Variants in MAML2 observed in about 807,000 individuals in gnomAD.
MAML2 encodes the protein mastermind-like protein 2.
Under a neutral mutation model 96.1 loss-of-function variants are expected in MAML2, and 22 were observed. That is an observed-to-expected ratio of 0.23 (90% CI 0.16 to 0.33). The LOEUF (loss-of-function observed/expected upper bound fraction) is 0.33. MAML2 is among the 10% of genes least tolerant of loss of function. MAML2 has a pLI of 1.00. For missense variants in MAML2, 1,367 were observed against 1,392.4 expected (o/e 0.98, Z 0.29); for synonymous variants, 561 against 521.3 (o/e 1.08, Z -1.04).
intron 1 of MAML2, among the ~76,000 whole-genome samples, chr11:96,227,290 T>C (rs1449696571): frequency 6.6e-6 from 1 of 152,204 alleles, no homozygotes; most frequent in Non-Finnish European, 1.5e-5. Flanking sequence ...ATACTTACCC[T>C]AGTACCTACG....
chr11:96,005,498 A>AT (rs1004249213), intron 2 of MAML2, among the ~76,000 whole-genome samples: 4 of 152,112 alleles, frequency 2.6e-5, no homozygotes, highest in Admixed American at 6.5e-5. Context: ...AAATAATTTG[A>AT]TTTTTTTTCT....
chr11:96,027,583 C>T (rs886579379), intron 2 of MAML2, among the ~76,000 whole-genome samples: 4 of 152,142 alleles, frequency 2.6e-5, no homozygotes, highest in South Asian at 2.1e-4. Context: ...AGAGGAAAGA[C>T]ATCTAACTCA....
chr11:96,049,037 A>C (rs892085902), intron 2 of MAML2, among the ~76,000 whole-genome samples: 2 of 152,230 alleles, frequency 1.3e-5, no homozygotes, highest in Non-Finnish European at 2.9e-5. Flanking sequence ...ACTTTCCACT[A>C]TAATGAACCA....
intron 2 of MAML2, among the ~76,000 whole-genome samples, chr11:96,017,993 T>C (rs1276662268): frequency 6.6e-6 from 1 of 152,188 alleles, no homozygotes; most frequent in Non-Finnish European, 1.5e-5. Context: ...TGGTGAATAG[T>C]TTGTACGGAG....
chr11:96,089,163 G>T (rs1373610142), intron 2 of MAML2, among the ~76,000 whole-genome samples: 1 of 152,026 alleles, frequency 6.6e-6, no homozygotes, highest in African/African-American at 2.4e-5. Flanking sequence ...TTTGGTCATC[G>T]GTAACAGAGA....
At chr11:96,042,440 G>A (rs1408541937) in intron 2 of MAML2, among the ~76,000 whole-genome samples, 4 of 152,022 alleles carry the variant, frequency 2.6e-5, no homozygotes, top group Non-Finnish European at 1.5e-5. Context: ...TTTTTCTCAG[G>A]GACTACTGCA....
At chr11:96,212,893 G>T (rs529351653) in intron 1 of MAML2, among the ~76,000 whole-genome samples, 16 of 152,230 alleles carry the variant, frequency 1.1e-4, no homozygotes, top group Admixed American at 7.8e-4. Context: ...AAATTGCTTG[G>T]TATAACTCAA....
intron 1 of MAML2, among the ~76,000 whole-genome samples, chr11:96,253,603 C>T (rs1363448124): frequency 6.6e-6 from 1 of 152,182 alleles, no homozygotes; most frequent in Non-Finnish European, 1.5e-5. Context: ...AGAGATCGAC[C>T]ACTAAAATCT....
At chr11:96,187,883 A>G (rs994048129) in intron 1 of MAML2, among the ~76,000 whole-genome samples, 4 of 152,048 alleles carry the variant, frequency 2.6e-5, no homozygotes, top group Non-Finnish European at 5.9e-5. Flanking sequence ...TTTTCACTCC[A>G]GTCTATGGAC....
intron 1 of MAML2, among the ~76,000 whole-genome samples, chr11:96,132,202 T>C (rs1860559037): frequency 6.6e-6 from 1 of 152,080 alleles, no homozygotes; most frequent in Non-Finnish European, 1.5e-5. Context: ...GAGCAGGAAA[T>C]TAGGAAAAAA....
At position 96,092,981 on chromosome 11, in the gene MAML2, C is replaced by T. The variant is rs1204691388; in HGVS notation, c.1050G>A (p.Arg350=). ...TGGGTAAGGAGGGCCTAGGTGTGCT[C>T]CTCTGGCTTTGCTGACCCAAGTCAA... is the stretch of plus-strand genomic sequence containing the variant. ...FNIDLGQQSQ[R]STPRPSLPME... The change falls in exon 2 of 5, where the codon AGG becomes AGA. Residue 350 remains arginine, a synonymous_variant. Coordinates refer to ENST00000524717, the MANE Select transcript of MAML2 (RefSeq NM_032427.4). The surrounding 1 kb of genome is among the most constrained non-coding windows in gnomAD (Gnocchi z 4.1). The T allele has an allele frequency of 3.7e-6, 6 of 1,613,882 alleles. No individual in the cohort carries two copies. Among genetic ancestry groups the T allele is most frequent in the Middle Eastern group, 1.6e-4 (1 of 6,062 alleles).
intron 2 of MAML2, among the ~76,000 whole-genome samples, chr11:96,007,153 C>T (rs1367788546): frequency 6.6e-6 from 1 of 150,620 alleles, no homozygotes; most frequent in African/African-American, 2.5e-5. Flanking sequence ...CAGGAGCGTA[C>T]CACCATGTCC....
At chr11:96,122,315 T>C (rs1427501588) in intron 1 of MAML2, among the ~76,000 whole-genome samples, 5 of 151,954 alleles carry the variant, frequency 3.3e-5, no homozygotes, top group Admixed American at 6.6e-5. Context: ...TTTTTTTTTT[T>C]CCTCTAGGGT....
intron 2 of MAML2, among the ~76,000 whole-genome samples, chr11:96,011,475 C>A (rs11021386): frequency 0.27 from 41,663 of 151,962 alleles, 5,934 homozygotes; most frequent in South Asian, 0.42. Flanking sequence ...GAAAGAAAAA[C>A]CAAATACCAT....
At chr11:96,114,382 T>C (rs193042363) in intron 1 of MAML2, among the ~76,000 whole-genome samples, 3 of 152,226 alleles carry the variant, frequency 2.0e-5, no homozygotes, top group Non-Finnish European at 2.9e-5. Context: ...CATCGTTTGA[T>C]CCTAATCTCC....
Position 95,976,799 on chromosome 11 carries a change from A to G in MAML2, c.*2149T>C, listed in dbSNP as rs571848021. The G allele has an allele frequency of 5.4e-6, 1 of 185,188 alleles. No individual in the cohort carries two copies. The highest frequency in any genetic ancestry group is 2.3e-5 in the African/African-American group (1 of 42,818). 11.5% of individuals were successfully genotyped at this position (185,188 alleles called of 1,614,324 possible). A position where few individuals can be genotyped will look rare whatever the true frequency, so the allele number is the denominator to read the frequency against. The stretch of plus-strand genomic sequence containing the variant: ...GTAACTGGGAAGTGCTGGCAGATAT[A>G]TACAGTAACATGGAGGAGCCATACA... On this transcript the variant is annotated 3_prime_UTR_variant, in exon 5 of 5. Transcript: ENST00000524717.
chr11:96,226,553 G>A (rs1035585282), intron 1 of MAML2, among the ~76,000 whole-genome samples: 9 of 152,080 alleles, frequency 5.9e-5, no homozygotes, highest in African/African-American at 2.2e-4. Context: ...TTCTCCACAT[G>A]CCAAACTGCC....
At chr11:96,218,901 A>C (rs1862091291) in intron 1 of MAML2, among the ~76,000 whole-genome samples, 1 of 152,234 alleles carries the variant, frequency 6.6e-6, no homozygotes. Flanking sequence ...TGAGCATTTT[A>C]TATTTTTATT....
At chr11:96,207,604 A>C (rs1189830847) in intron 1 of MAML2, among the ~76,000 whole-genome samples, 1 of 152,218 alleles carries the variant, frequency 6.6e-6, no homozygotes, top group Non-Finnish European at 1.5e-5. Context: ...TTGCCTCAGG[A>C]TATGCCAACA....
Sources: allele counts gnomAD v4.1 joint callset (sites outside exome capture counted in the v4.1 genomes callset), GRCh38; gene constraint gnomAD v4.1.1; non-coding constraint Gnocchi (gnomAD v3.1); transcripts MANE v1.5; gene names NCBI Gene and HGNC (gene_info 2026-07-23, HGNC 2026-07-21).